The following AGK variants were observed in gnomAD, a reference collection of about 807,000 sequenced individuals.
The protein encoded by AGK is acylglycerol kinase.
AGK carries 52 observed loss-of-function variants against 66.4 expected under a neutral mutation model. The ratio of observed to expected loss-of-function variants is 0.78; its 90% confidence interval spans 0.63 to 0.99. AGK has a LOEUF of 0.99. Ranked by LOEUF, AGK falls within the 50% of genes least tolerant of loss-of-function variation. The pLI is 0.00. For synonymous variants in AGK, 182 were observed against 181.1 expected (o/e 1.00, Z -0.04); for missense variants, 451 against 506.6 (o/e 0.89, Z 1.05).
intron 8 of AGK, among the ~76,000 whole-genome samples, chr7:141,619,371 G>C (rs2116970757): frequency 6.6e-6 from 1 of 152,184 alleles, no homozygotes; most frequent in South Asian, 2.1e-4. Flanking sequence ...AAAGAGTCCA[G>C]AATTAGACCC....
intron 9 of AGK, among the ~76,000 whole-genome samples, chr7:141,632,436 G>A (rs1473653691): frequency 6.6e-6 from 1 of 152,070 alleles, no homozygotes; most frequent in Non-Finnish European, 1.5e-5. Context: ...GCTGTCTTAT[G>A]GGTTCATGTG....
rs563391836 is a variant in AGK, at chr7:141,576,932, C to T, written c.102-16214C>T. Among the ~76,000 whole-genome samples, 81 of 151,976 alleles carry T rather than the reference C, an allele frequency of 5.3e-4. 1 individual carries two copies. Among genetic ancestry groups the T allele is most frequent in the Middle Eastern group, 3.4e-3 (1 of 294 alleles). On this transcript the variant is annotated intron_variant, in intron 2 of 15. Coordinates refer to ENST00000649286, the MANE Select transcript of AGK (RefSeq NM_018238.4). The stretch of plus-strand genomic sequence containing the variant: ...GCGGGCACCTGTAGTCCCAGCTACT[C>T]GGGAGGCTGAGGCAGGAGAATGGCC...
At chr7:141,609,400 C>T (rs1466072146) in intron 5 of AGK, among the ~76,000 whole-genome samples, 16 of 152,154 alleles carry the variant, frequency 1.1e-4, no homozygotes, top group African/African-American at 7.2e-5. Context: ...CCCTCAGGTT[C>T]GGTAACTCAA....
At chr7:141,590,488 T>C (rs1267003424) in intron 2 of AGK, among the ~76,000 whole-genome samples, 2 of 152,178 alleles carry the variant, frequency 1.3e-5, no homozygotes, top group Non-Finnish European at 2.9e-5. Flanking sequence ...GGAAGCTGCG[T>C]TCCCAGGGCC....
intron 8 of AGK, 190 bp downstream of exon 8, chr7:141,615,755 A>T (rs1587131284): frequency 1.7e-6 from 1 of 583,556 alleles, no homozygotes. Flanking sequence ...GGACTCTTAT[A>T]ATAAGTCTCC....
At chr7:141,596,957 A>T (rs1002382698) in intron 4 of AGK, 7 of 241,012 alleles carry the variant, frequency 2.9e-5, no homozygotes, top group Admixed American at 5.2e-5. Flanking sequence ...TCCTTAGGCC[A>T]TCTCTGTCCA....
chr7:141,619,805 AC>A (rs1444957323), intron 8 of AGK, among the ~76,000 whole-genome samples: 2 of 152,194 alleles, frequency 1.3e-5, no homozygotes, highest in African/African-American at 4.8e-5. Context: ...TTAAACATAT[AC>A]CTACCATATG....
At chr7:141,641,524 T>G (rs1442200807) in intron 12 of AGK, 126 bp downstream of exon 12, 1 of 1,130,120 alleles carries the variant, frequency 8.8e-7, no homozygotes, top group Non-Finnish European at 1.3e-6. Context: ...ATCACTGAAT[T>G]CATCCTTCTG....
chr7:141,612,615 C>T lies in AGK; in HGVS notation c.390+1328C>T, dbSNP rs938966245. Among the ~76,000 whole-genome samples, 9 of 152,144 alleles carry T rather than the reference C, an allele frequency of 5.9e-5. 1 individual carries two copies. The highest frequency in any genetic ancestry group is 4.2e-4 in the South Asian group (2 of 4,804). ...TCTGGTGAAGGATGTTGATAATGGG[C>T]GGAAGGTTCACGTATAGGGGGCCAG... On this transcript the variant is annotated intron_variant, in intron 6 of 15. Transcript: ENST00000649286.
At chr7:141,640,838 T>C (rs549393942) in intron 11 of AGK, among the ~76,000 whole-genome samples, 2 of 152,312 alleles carry the variant, frequency 1.3e-5, no homozygotes, top group Admixed American at 1.3e-4. Flanking sequence ...TAAACCATTC[T>C]GGCCTGTGTG....
chr7:141,607,853 T>A lies in AGK; in HGVS notation c.298-3342T>A, dbSNP rs190711739. Among the ~76,000 whole-genome samples the A allele has an allele frequency of 1.3e-4, 20 of 152,244 alleles. No homozygotes were observed. The East Asian group carries it at 3.7e-3, about 28-fold the overall frequency. ...GGGGGCAACTGTTAGGCCACCTTTT[T>A]ATCCTTCCTCTTTTAGTGCATTTGG... On this transcript the variant is annotated intron_variant, in intron 5 of 15. Coordinates refer to ENST00000649286, the MANE Select transcript of AGK (RefSeq NM_018238.4).
chr7:141,585,742 C>T (rs1176590731), intron 2 of AGK, among the ~76,000 whole-genome samples: 1 of 152,136 alleles, frequency 6.6e-6, no homozygotes, highest in Non-Finnish European at 1.5e-5. Context: ...GAGAGCATCC[C>T]ATTACCTATA....
chr7:141,558,465 T>G (rs1410712723), intron 2 of AGK, among the ~76,000 whole-genome samples: 1 of 152,210 alleles, frequency 6.6e-6, no homozygotes, highest in East Asian at 1.9e-4. Flanking sequence ...GCGCCTGGCC[T>G]ATATTATCTC....
At chr7:141,614,378 A>G (rs1796661606) in intron 7 of AGK, among the ~76,000 whole-genome samples, 200 bp downstream of exon 7, 1 of 152,130 alleles carries the variant, frequency 6.6e-6, no homozygotes, top group Non-Finnish European at 1.5e-5. Context: ...TGGTTTGGTA[A>G]TTGATGGTAT....
intron 2 of AGK, among the ~76,000 whole-genome samples, chr7:141,571,237 T>G (rs569636100): frequency 6.6e-6 from 1 of 152,298 alleles, no homozygotes; most frequent in South Asian, 2.1e-4. Context: ...CAGCCATGAG[T>G]TGCTTAATTT....
At chr7:141,642,493 C>T (rs1054302961) in intron 13 of AGK, among the ~76,000 whole-genome samples, 1 of 152,106 alleles carries the variant, frequency 6.6e-6, no homozygotes, top group Non-Finnish European at 1.5e-5. Flanking sequence ...TGCTCAACAG[C>T]CATATGTAGC....
chr7:141,571,422 C>T (rs897792055), intron 2 of AGK, among the ~76,000 whole-genome samples: 5 of 152,206 alleles, frequency 3.3e-5, no homozygotes, highest in African/African-American at 1.2e-4. Context: ...AACCAGATCC[C>T]TAGATGATGT....
At chr7:141,609,322 A>C (rs1030374743) in intron 5 of AGK, among the ~76,000 whole-genome samples, 3 of 152,188 alleles carry the variant, frequency 2.0e-5, no homozygotes, top group Non-Finnish European at 4.4e-5. Context: ...CGCCAGTCTC[A>C]CATCTTGGGG....
chr7:141,622,938 G>T (rs537957212), intron 9 of AGK, among the ~76,000 whole-genome samples: 1 of 151,712 alleles, frequency 6.6e-6, no homozygotes, highest in East Asian at 1.9e-4. Context: ...AAGAAAAAAA[G>T]CTAGAAATAG....
Sources: gnomAD v4.1 joint callset for allele counts (sites outside exome capture counted in the v4.1 genomes callset) on GRCh38, gnomAD v4.1.1 for gene constraint, MANE v1.5 for transcripts, NCBI Gene and HGNC (gene_info 2026-07-23, HGNC 2026-07-21) for gene names.